PTPRK: variants seen among roughly 807,000 people sequenced by gnomAD.
The protein encoded by PTPRK is receptor-type tyrosine-protein phosphatase kappa.
Under a neutral mutation model 178.0 loss-of-function variants are expected in PTPRK, and 75 were observed. The observed-to-expected ratio is 0.42, with a 90% CI of 0.35 to 0.51. The LOEUF (loss-of-function observed/expected upper bound fraction) is 0.51. Among genes scored for constraint, PTPRK ranks in the 20% least tolerant of loss-of-function variants. PTPRK has a pLI of 0.02. For missense variants in PTPRK, 1,441 were observed against 1,797.8 expected (o/e 0.80, Z 3.59); for synonymous variants, 637 against 620.6 (o/e 1.03, Z -0.39).
At chr6:128,135,078 T>TCACTCACACA (rs1554309215) in intron 7 of PTPRK, among the ~76,000 whole-genome samples, 2 of 136,276 alleles carry the variant, frequency 1.5e-5, no homozygotes, top group African/African-American at 5.7e-5. Flanking sequence ...AATCATTCAA[T>TCACTCACACA]CACACACACA....
chr6:128,285,513 T>TAAA (rs751427928), intron 3 of PTPRK, among the ~76,000 whole-genome samples: 1 of 124,558 alleles, frequency 8.0e-6, no homozygotes. Context: ...AGACTCTGTC[T>TAAA]AAAAAAAAAA....
At chr6:128,373,605 A>G (rs1251502073) in intron 2 of PTPRK, among the ~76,000 whole-genome samples, 1 of 152,162 alleles carries the variant, frequency 6.6e-6, no homozygotes, top group African/African-American at 2.4e-5. Flanking sequence ...ATGTTGCTTG[A>G]AATTATCTTT....
At chr6:128,180,454 C>T (rs1348787225) in intron 7 of PTPRK, among the ~76,000 whole-genome samples, 1 of 152,022 alleles carries the variant, frequency 6.6e-6, no homozygotes, top group Non-Finnish European at 1.5e-5. Flanking sequence ...GCGAAATAAT[C>T]ATACCCCTCA....
intron 1 of PTPRK, chr6:128,491,845 A>G (rs1463072538): frequency 1.6e-5 from 8 of 513,436 alleles, no homozygotes; most frequent in Non-Finnish European, 2.3e-5. Context: ...CCACAAGCAC[A>G]GACACTGAAA....
At chr6:128,136,038 T>C (rs1201908271) in intron 7 of PTPRK, among the ~76,000 whole-genome samples, 1 of 152,128 alleles carries the variant, frequency 6.6e-6, no homozygotes, top group East Asian at 1.9e-4. Context: ...ATGAGGTTTT[T>C]AGGGTGGGGT....
chr6:128,040,584 G>T (rs1244222520), intron 13 of PTPRK, among the ~76,000 whole-genome samples: 2 of 152,046 alleles, frequency 1.3e-5, no homozygotes, highest in African/African-American at 2.4e-5. Context: ...TGAAAATATG[G>T]AACATCTCTC....
intron 13 of PTPRK, among the ~76,000 whole-genome samples, chr6:128,026,538 C>T (rs1050655186): frequency 2.0e-5 from 3 of 152,112 alleles, no homozygotes; most frequent in African/African-American, 7.2e-5. Flanking sequence ...GCTCTCTAGG[C>T]TTGTTCTGAA....
Position 128,520,242 on chromosome 6 carries a change from GC to G in PTPRK, c.100+16del. ...AGGACTCCAGGCGTTCGTCGGGGAC[GC>G]CCCCCGGCCACTCACCTGCGGAGAA... On this transcript the variant is annotated intron_variant, in intron 1 of 29. Transcript: ENST00000368226. The G allele has an allele frequency of 6.4e-7, 1 of 1,566,072 alleles. No homozygotes were observed. Among genetic ancestry groups the G allele is most frequent in the Non-Finnish European group, 8.7e-7 (1 of 1,154,048 alleles).
At chr6:127,983,501 A>AGGGACAAGTGCTGTGC in intron 22 of PTPRK, 124 bp from the exon 23 acceptor site, 2 of 980,782 alleles carry the variant, frequency 2.0e-6, no homozygotes, top group South Asian at 1.8e-5. Flanking sequence ...AAGGCACAGC[A>AGGGACAAGTGCTGTGC]CTTGTCCCTG....
At chr6:128,365,531 T>G (rs937258082) in intron 2 of PTPRK, among the ~76,000 whole-genome samples, 5 of 151,844 alleles carry the variant, frequency 3.3e-5, no homozygotes, top group African/African-American at 1.2e-4. Context: ...GAAGTGGAGG[T>G]GGTATTACTT....
intron 1 of PTPRK, among the ~76,000 whole-genome samples, chr6:128,448,037 CTTT>C (rs1847262542): frequency 6.6e-6 from 1 of 152,182 alleles, no homozygotes; most frequent in African/African-American, 2.4e-5. Flanking sequence ...AAATATCCTT[CTTT>C]ATGCTGTGGC....
At chr6:128,447,827 T>C (rs1847230170) in intron 1 of PTPRK, among the ~76,000 whole-genome samples, 1 of 152,056 alleles carries the variant, frequency 6.6e-6, no homozygotes, top group Non-Finnish European at 1.5e-5. Flanking sequence ...TTTCACCATA[T>C]TGGTCAGGCT....
intron 8 of PTPRK, among the ~76,000 whole-genome samples, chr6:128,087,282 A>G (rs910914253): frequency 6.6e-6 from 1 of 152,190 alleles, no homozygotes; most frequent in Non-Finnish European, 1.5e-5. Flanking sequence ...AAGCAGCACA[A>G]AACTATGTAA....
intron 3 of PTPRK, among the ~76,000 whole-genome samples, chr6:128,271,804 A>T (rs1455743016): frequency 6.6e-6 from 1 of 151,962 alleles, no homozygotes; most frequent in African/African-American, 2.4e-5. Context: ...CCTTTAGCAC[A>T]TTTGACTGGT....
chr6:127,990,962 A>C, intron 20 of PTPRK, 77 bp from the exon 21 acceptor site: 1 of 840,816 alleles, frequency 1.2e-6, no homozygotes, highest in Non-Finnish European at 1.9e-6. Context: ...TTCCAGCAAT[A>C]ACTCCTTGTC....
intron 7 of PTPRK, among the ~76,000 whole-genome samples, chr6:128,122,554 T>C (rs562479884): frequency 3.3e-5 from 5 of 152,166 alleles, no homozygotes; most frequent in South Asian, 2.1e-4. Context: ...TCAGGTTCCA[T>C]AGAAGGATTC....
chr6:127,990,310 C>T (rs1404979621), intron 21 of PTPRK, among the ~76,000 whole-genome samples: 1 of 152,062 alleles, frequency 6.6e-6, no homozygotes, highest in Non-Finnish European at 1.5e-5. Context: ...ATGACTCTCC[C>T]CTCTGTCAGA....
intron 3 of PTPRK, among the ~76,000 whole-genome samples, chr6:128,295,992 A>G (rs1045405897): frequency 6.6e-6 from 1 of 152,150 alleles, no homozygotes; most frequent in Non-Finnish European, 1.5e-5. Flanking sequence ...CATCACTGAA[A>G]TCAAGTTCCT....
At chr6:128,468,882 C>G (rs796202393) in intron 1 of PTPRK, among the ~76,000 whole-genome samples, 7 of 125,032 alleles carry the variant, frequency 5.6e-5, no homozygotes, top group African/African-American at 2.2e-4. Context: ...AACACTGCCT[C>G]AAGCCAGGGA....
Sources: allele counts gnomAD v4.1 joint callset (sites outside exome capture counted in the v4.1 genomes callset), GRCh38; gene constraint gnomAD v4.1.1; transcripts MANE v1.5; gene names NCBI Gene and HGNC (gene_info 2026-07-23, HGNC 2026-07-21).